Variants in TTBK2 observed in about 807,000 individuals in gnomAD.
TTBK2 encodes the protein tau-tubulin kinase 2.
A neutral mutation model predicts 110.8 loss-of-function variants in TTBK2; 28 were observed. That is an observed-to-expected ratio of 0.25 (90% CI 0.19 to 0.35). The LOEUF is 0.35. TTBK2 is among the 10% of genes least tolerant of loss of function. The pLI is 1.00. For synonymous variants in TTBK2, 532 were observed against 527.3 expected (o/e 1.01, Z -0.12); for missense variants, 1,369 against 1,500.3 (o/e 0.91, Z 1.45).
intron 6 of TTBK2, among the ~76,000 whole-genome samples, chr15:42,822,519 G>A (rs1484995282): frequency 6.6e-6 from 1 of 152,022 alleles, no homozygotes; most frequent in East Asian, 1.9e-4. Context: ...AAAGAACATA[G>A]TGAACAATGC....
At chr15:42,769,598 G>T (rs993256531) in intron 13 of TTBK2, among the ~76,000 whole-genome samples, 4 of 152,180 alleles carry the variant, frequency 2.6e-5, no homozygotes, top group Non-Finnish European at 4.4e-5. Flanking sequence ...TCATTAAAAA[G>T]TCAGGAAACA....
chr15:42,760,975 T>C (rs1333072011), intron 13 of TTBK2, among the ~76,000 whole-genome samples: 1 of 152,122 alleles, frequency 6.6e-6, no homozygotes, highest in Non-Finnish European at 1.5e-5. Context: ...GGTACTGGCA[T>C]AAAAACAGAC....
At chr15:42,816,085 A>ATATGTATATATATAT in intron 7 of TTBK2, among the ~76,000 whole-genome samples, 1 of 67,448 alleles carries the variant, frequency 1.5e-5, no homozygotes, top group South Asian at 5.1e-4. Flanking sequence ...TAAATAAATA[A>ATATGTATATATATAT]ATATATATAT....
intron 3 of TTBK2, among the ~76,000 whole-genome samples, chr15:42,864,463 A>C (rs1894283758): frequency 6.6e-6 from 1 of 152,146 alleles, no homozygotes; most frequent in Non-Finnish European, 1.5e-5. Context: ...ACATGCCTGT[A>C]ATCGCAAATA....
intron 13 of TTBK2, among the ~76,000 whole-genome samples, chr15:42,759,104 C>A (rs556823408): frequency 2.0e-5 from 3 of 152,328 alleles, no homozygotes; most frequent in African/African-American, 7.2e-5. Flanking sequence ...TGGCTGGTGG[C>A]TACAATGTCA....
intron 1 of TTBK2, among the ~76,000 whole-genome samples, chr15:42,910,630 G>T (rs1567090680): frequency 6.6e-6 from 1 of 152,186 alleles, no homozygotes; most frequent in Non-Finnish European, 1.5e-5. Flanking sequence ...TGCCCTCAAT[G>T]AGTTAATAAT....
chr15:42,809,333 C>A (rs1891605427), intron 9 of TTBK2, among the ~76,000 whole-genome samples: 1 of 152,160 alleles, frequency 6.6e-6, no homozygotes, highest in South Asian at 2.1e-4. Flanking sequence ...AACTTGAGAA[C>A]AATAATTTGT....
In TTBK2 at chr15:42,815,958, A is replaced by AAAAATATAT. The variant is rs71108183; in HGVS notation, c.603+1073_603+1074insATATATTTT. The stretch of plus-strand genomic sequence containing the variant: ...TATATATATATATATTTAAAAAAAA[A>AAAAATATAT]ATATATATATATATATATATTTGAG... On this transcript the variant is annotated intron_variant, in intron 7 of 14. Transcript: ENST00000267890. Among the ~76,000 whole-genome samples, 44 of 91,694 alleles carry AAAAATATAT rather than the reference A, an allele frequency of 4.8e-4. 1 individual carries two copies. The highest frequency in any genetic ancestry group is 2.5e-3 in the African/African-American group (40 of 16,142). The allele number at this position is 91,694 out of a possible 152,430, so 60.2% of individuals were successfully genotyped here.
At chr15:42,764,297 C>G (rs1032968180) in intron 13 of TTBK2, among the ~76,000 whole-genome samples, 1 of 152,230 alleles carries the variant, frequency 6.6e-6, no homozygotes, top group Non-Finnish European at 1.5e-5. Flanking sequence ...TGAAGCAGGG[C>G]AGGGCATCGC....
intron 3 of TTBK2, chr15:42,871,414 GA>G: frequency 1.0e-6 from 1 of 984,376 alleles, no homozygotes; most frequent in Non-Finnish European, 1.2e-6. Context: ...AGAACCTCCT[GA>G]AGGGGTGGCA....
rs760573638 is a variant in TTBK2 at position 42,840,439 on chromosome 15, TA to T, written c.218-7del. On this transcript the variant is annotated splice_region_variant and splice_polypyrimidine_tract_variant and intron_variant, in intron 3 of 14. Transcript: ENST00000267890. ...TCTACAAACATGGTCTTTCCCTGGATAAAAAAAGAAAACAGTGGAAAAGAAT... is the reference window on the plus strand; with the variant it reads ...TCTACAAACATGGTCTTTCCCTGGATAAAAAAGAAAACAGTGGAAAAGAAT... 3 of 1,613,172 alleles carry T rather than the reference TA, an allele frequency of 1.9e-6. No individual in the cohort carries two copies. In the South Asian group the frequency reaches 3.3e-5, roughly 18 times the overall value.
intron 6 of TTBK2, among the ~76,000 whole-genome samples, chr15:42,821,716 A>C (rs1441718911): frequency 7.2e-6 from 1 of 139,766 alleles, no homozygotes; most frequent in Non-Finnish European, 1.5e-5. Context: ...TTTGAGACAG[A>C]GTCTCACTCT....
intron 13 of TTBK2, among the ~76,000 whole-genome samples, chr15:42,762,104 C>A (rs1312317278): frequency 6.6e-6 from 1 of 152,162 alleles, no homozygotes; most frequent in African/African-American, 2.4e-5. Context: ...TGAGGCCTCC[C>A]CAGCCATGTG....
chr15:42,775,723 G>C lies in TTBK2; in HGVS notation c.1410C>G (p.Cys470Trp). Residue 470 changes from cysteine (C) to tryptophan (W), a missense_variant and splice_region_variant, in exon 13 of 15, where the codon TGC becomes TGG. By Grantham distance (215) the Cys-to-Trp change is radical (BLOSUM62 -2). This residue lies in a region of TTBK2 where 1,097 missense variants were observed against 1,114.7 expected (regional missense o/e 0.98). Transcript: ENST00000267890. ...KPDTDKFLET[C>W]LEKMQKDTSA... ...TGGTATCTTTCTGCATTTTCTCCAG[G>C]CTTAAGGAAATGGAAAGAAGTTACT... 1 of 1,608,986 alleles carries C rather than the reference G, an allele frequency of 6.2e-7. No homozygotes were observed. Among genetic ancestry groups the C allele is most frequent in the Non-Finnish European group, 8.5e-7 (1 of 1,179,250 alleles).
At chr15:42,775,891 T>C (rs1889901025) in intron 12 of TTBK2, among the ~76,000 whole-genome samples, 168 bp from the exon 13 acceptor site, 1 of 152,204 alleles carries the variant, frequency 6.6e-6, no homozygotes, top group African/African-American at 2.4e-5. Flanking sequence ...ACCTGCCACA[T>C]CCTGCTTTGG....
At chr15:42,866,796 T>C (rs977408799) in intron 3 of TTBK2, among the ~76,000 whole-genome samples, 7 of 152,192 alleles carry the variant, frequency 4.6e-5, no homozygotes, top group African/African-American at 1.7e-4. Context: ...TGGAGATTAA[T>C]ACAATGCACT....
intron 7 of TTBK2, among the ~76,000 whole-genome samples, chr15:42,812,394 G>A (rs1232536232): frequency 6.6e-6 from 1 of 152,194 alleles, no homozygotes; most frequent in African/African-American, 2.4e-5. Context: ...GTTACCACAG[G>A]TCTGTCCCTC....
Position 42,794,749 on chromosome 15 carries a change from C to T in TTBK2, c.875G>A (p.Ser292Asn), listed in dbSNP as rs2140868885. 1 of 1,614,112 alleles carries T rather than the reference C, an allele frequency of 6.2e-7. No homozygotes were observed. The highest frequency in any genetic ancestry group is 2.2e-5 in the East Asian group (1 of 44,870). Residue 292 changes from serine to asparagine, a missense_variant, in exon 10 of 15, where the codon AGT (serine) becomes AAT (asparagine). Ser to Asn is a conservative substitution (Grantham distance 46). Transcript: ENST00000267890. ...AGTCTTCTCCCAGTCAAAAGGGTCA[C>T]TCTCAATTACTCCAAAAGTCTTGAT... ...NSIKTFGVIE[S>N]DPFDWEKTGN...
At chr15:42,877,381 T>C (rs1894856656) in intron 2 of TTBK2, among the ~76,000 whole-genome samples, 1 of 151,862 alleles carries the variant, frequency 6.6e-6, no homozygotes, top group Non-Finnish European at 1.5e-5. Context: ...TTACATGAAA[T>C]ACACAAGACA....
Sources: gnomAD v4.1 joint callset for allele counts (sites outside exome capture counted in the v4.1 genomes callset) on GRCh38, gnomAD v4.1.1 for gene constraint, gnomAD v4.1.1 regional missense constraint, MANE v1.5 for transcripts, NCBI Gene and HGNC (gene_info 2026-07-23, HGNC 2026-07-21) for gene names.